Variants in ARID2 observed in about 807,000 individuals in gnomAD.
ARID2 encodes the protein AT-rich interactive domain-containing protein 2.
In ARID2, 32 loss-of-function variants were observed where a neutral mutation model predicts 184.6. The ratio of observed to expected loss-of-function variants is 0.17; its 90% CI spans 0.13 to 0.23. The LOEUF is 0.23. Among genes scored for constraint, ARID2 ranks in the 10% least tolerant of loss-of-function variants. The pLI, the probability that ARID2 is intolerant of heterozygous loss-of-function variation, is 1.00. For synonymous variants in ARID2, 836 were observed against 772.6 expected (o/e 1.08, Z -1.36); for missense variants, 1,696 against 2,197.6 (o/e 0.77, Z 4.56).
chr12:45,879,087 G>A (rs1416147893), intron 16 of ARID2, among the ~76,000 whole-genome samples: 2 of 152,170 alleles, frequency 1.3e-5, no homozygotes, highest in Non-Finnish European at 2.9e-5. Flanking sequence ...TGTTGATACA[G>A]TGGTAAGGTA....
intron 12 of ARID2, among the ~76,000 whole-genome samples, chr12:45,847,906 C>G (rs1943473706): frequency 1.3e-5 from 2 of 152,038 alleles, no homozygotes; most frequent in South Asian, 4.1e-4. Context: ...TGTTGTTTGT[C>G]TTCTACATTG....
intron 16 of ARID2, among the ~76,000 whole-genome samples, chr12:45,866,404 T>C (rs1592130695): frequency 6.6e-6 from 1 of 152,212 alleles, no homozygotes; most frequent in East Asian, 1.9e-4. Flanking sequence ...AGTTATTTGC[T>C]ATTACATATG....
At chr12:45,820,287 A>G (rs1431483891) in intron 5 of ARID2, among the ~76,000 whole-genome samples, 1 of 152,192 alleles carries the variant, frequency 6.6e-6, no homozygotes, top group African/African-American at 2.4e-5. Context: ...ATTTATGTTT[A>G]AAATGTTGCT....
At chr12:45,835,048 T>C (rs1592107068) in intron 6 of ARID2, among the ~76,000 whole-genome samples, 1 of 152,174 alleles carries the variant, frequency 6.6e-6, no homozygotes, top group South Asian at 2.1e-4. Flanking sequence ...ACTTTTTTTC[T>C]CTTCATCCTT....
chr12:45,849,503 T>G, intron 13 of ARID2, 77 bp from the exon 14 acceptor site: 1 of 1,167,932 alleles, frequency 8.6e-7, no homozygotes, highest in Non-Finnish European at 1.2e-6. Flanking sequence ...AACATACTGC[T>G]GTTGTTCATG....
chr12:45,858,480 T>G (rs182110892), intron 15 of ARID2, among the ~76,000 whole-genome samples: 12 of 152,282 alleles, frequency 7.9e-5, no homozygotes, highest in Non-Finnish European at 5.9e-5. Context: ...AGGTGAATGG[T>G]TTTCAGATTT....
rs1943294936 is a variant in ARID2 at position 45,839,436 on chromosome 12, G to A, written c.1438G>A (p.Glu480Lys). Residue 480 changes from glutamate (E) to lysine (K), a missense_variant, in exon 11 of 21, where the codon GAA (glutamate) becomes AAA (lysine). Glu to Lys is a moderately conservative substitution (Grantham distance 56, BLOSUM62 1). Transcript: ENST00000334344. ...HPSSSHQMLS[E>K]IRPQAIEQVQ... ...AAGTTCCAGTCATCAAATGTTATCTGAAATTAGGCCACAAGCTATAGAGCA... is the reference window on the plus strand; with the variant it reads ...AAGTTCCAGTCATCAAATGTTATCTAAAATTAGGCCACAAGCTATAGAGCA... The A allele has an allele frequency of 1.2e-6, 2 of 1,614,090 alleles. No individual in the cohort carries two copies. Among genetic ancestry groups the A allele is most frequent in the Non-Finnish European group, 1.7e-6 (2 of 1,179,996 alleles).
At chr12:45,895,766 C>T (rs1944361155) in intron 20 of ARID2, among the ~76,000 whole-genome samples, 2 of 152,176 alleles carry the variant, frequency 1.3e-5, no homozygotes, top group African/African-American at 2.4e-5. Flanking sequence ...AACTCCTGAC[C>T]TCGTGATCCA....
intron 13 of ARID2, 29 bp downstream of exon 13, chr12:45,848,999 C>T (rs368905136): frequency 2.3e-5 from 36 of 1,590,842 alleles, no homozygotes; most frequent in Non-Finnish European, 3.0e-5. Flanking sequence ...TAAATAAAGT[C>T]CATTTACGTC....
intron 3 of ARID2, among the ~76,000 whole-genome samples, chr12:45,802,570 A>G (rs1942525270): frequency 6.6e-6 from 1 of 152,024 alleles, no homozygotes; most frequent in South Asian, 2.1e-4. Flanking sequence ...TTTCTAAATT[A>G]TCTGCTAGGT....
Position 45,905,923 on chromosome 12 carries a change from AT to A in ARID2, c.*854del, listed in dbSNP as rs755371416. 9.7e-6 allele frequency: 2 copies of A among 206,286 alleles called. No homozygotes were observed. Among genetic ancestry groups the A allele is most frequent in the African/African-American group, 2.7e-5 (1 of 37,222 alleles). 12.8% of individuals were successfully genotyped at this position (206,286 alleles called of 1,614,324 possible). A position where few individuals can be genotyped will look rare whatever the true frequency, so the allele number is the denominator to read the frequency against. ...GTCAAAACAGTTTTGTGGAACTGTG[AT>A]TTTTTTTTCTTTTTTCTTTTTTTTT... On this transcript the variant is annotated 3_prime_UTR_variant, in exon 21 of 21. Coordinates refer to ENST00000334344, the MANE Select transcript of ARID2 (RefSeq NM_152641.4).
chr12:45,738,397 C>G (rs930884392), intron 3 of ARID2, among the ~76,000 whole-genome samples: 1 of 152,156 alleles, frequency 6.6e-6, no homozygotes, highest in Non-Finnish European at 1.5e-5. Context: ...TCACTGCAAC[C>G]TTCACCTCCT....
At chr12:45,857,885 G>A (rs777499159) in intron 15 of ARID2, among the ~76,000 whole-genome samples, 5 of 151,900 alleles carry the variant, frequency 3.3e-5, no homozygotes, top group African/African-American at 1.2e-4. Flanking sequence ...TCAGCCTCCC[G>A]AGTGGCTGGC....
intron 6 of ARID2, among the ~76,000 whole-genome samples, chr12:45,826,500 A>T (rs1943004064): frequency 6.6e-6 from 1 of 152,014 alleles, no homozygotes; most frequent in Admixed American, 6.6e-5. Context: ...AGTTCATTGC[A>T]ATGTCCTCGG....
Position 45,817,833 on chromosome 12 carries a change from A to G in ARID2, c.582A>G (p.Glu194=). 6.2e-7 allele frequency: 1 copy of G among 1,613,262 alleles called. No homozygotes were observed. Among genetic ancestry groups the G allele is most frequent in the East Asian group, 2.2e-5 (1 of 44,840 alleles). The change falls in exon 5 of 21, where the codon GAA becomes GAG. Residue 194 remains glutamate (E), a synonymous_variant. Coordinates refer to ENST00000334344, the MANE Select transcript of ARID2 (RefSeq NM_152641.4). ...SNESKHVMQL[E]KDPKIITLLL... ...AAAGCAAGCACGTCATGCAACTTGA[A>G]AAAGATCCTAAAATCATCACTTTAC...
intron 2 of ARID2, 28 bp downstream of exon 2, chr12:45,730,165 C>T (rs1257413762): frequency 6.2e-7 from 1 of 1,608,354 alleles, no homozygotes; most frequent in East Asian, 2.2e-5. Flanking sequence ...TTTGTATTTC[C>T]CTCTCGCTGG....
intron 3 of ARID2, among the ~76,000 whole-genome samples, chr12:45,788,931 A>G (rs1252221128): frequency 6.6e-6 from 1 of 152,188 alleles, no homozygotes; most frequent in Non-Finnish European, 1.5e-5. Context: ...TGTCCTGCAG[A>G]CTTAATCAGA....
chr12:45,847,379 C>T (rs1327102589), intron 12 of ARID2, among the ~76,000 whole-genome samples: 2 of 151,926 alleles, frequency 1.3e-5, no homozygotes, highest in East Asian at 1.9e-4. Context: ...ACTTCTTATT[C>T]TTTAATAATT....
intron 15 of ARID2, among the ~76,000 whole-genome samples, chr12:45,855,080 GA>G (rs1429173196): frequency 1.3e-5 from 2 of 152,024 alleles, no homozygotes; most frequent in African/African-American, 4.8e-5. Flanking sequence ...CTAACATATT[GA>G]TTATTTGAGC....
Sources: allele counts gnomAD v4.1 joint callset (sites outside exome capture counted in the v4.1 genomes callset), GRCh38; gene constraint gnomAD v4.1.1; transcripts MANE v1.5; gene names NCBI Gene and HGNC (gene_info 2026-07-23, HGNC 2026-07-21).